BRAP: variants seen among roughly 807,000 people sequenced by gnomAD.
BRAP encodes BRCA1-associated protein.
In BRAP, 42 loss-of-function variants were observed where a neutral mutation model predicts 73.4. The ratio of observed to expected loss-of-function variants is 0.57; its 90% CI spans 0.45 to 0.74. BRAP has a LOEUF of 0.74. Among genes scored for constraint, BRAP ranks in the 30% least tolerant of loss-of-function variants. The pLI, the probability that BRAP is intolerant of heterozygous loss-of-function variation, is 0.00. For synonymous variants in BRAP, 255 were observed against 267.4 expected, an observed-to-expected ratio of 0.95 and a Z score of 0.45; for missense variants, 593 against 751.4, an observed-to-expected ratio of 0.79 and a Z score of 2.46.
rs2135936276 is a variant in BRAP at position 111,685,903 on chromosome 12, T to C, written c.-111A>G. The C allele has an allele frequency of 1.7e-6, 1 of 597,250 alleles. No individual in the cohort carries two copies. 37.0% of individuals were successfully genotyped at this position (597,250 alleles called of 1,614,324 possible). On this transcript the variant is annotated 5_prime_UTR_variant, in exon 1 of 12. Coordinates refer to ENST00000419234, the MANE Select transcript of BRAP (RefSeq NM_006768.5). ...AGCGCCGCCACCACCTCAATGCAGTTGCCGCCGCCTCAGCAGCAGCAGCTC... is the reference window on the plus strand; with the variant it reads ...AGCGCCGCCACCACCTCAATGCAGTCGCCGCCGCCTCAGCAGCAGCAGCTC...
At chr12:111,680,349 C>T (rs1047391563) in intron 3 of BRAP, among the ~76,000 whole-genome samples, 1 of 152,086 alleles carries the variant, frequency 6.6e-6, no homozygotes, top group African/African-American at 2.4e-5. Flanking sequence ...AATCCTCCCA[C>T]AATGCAATTT....
At chr12:111,672,797 G>A in intron 4 of BRAP, 23 bp from the exon 5 acceptor site, 2 of 1,585,862 alleles carry the variant, frequency 1.3e-6, no homozygotes, top group Admixed American at 3.5e-5. Flanking sequence ...ATGGGGAAAA[G>A]GAAAAAAATT....
chr12:111,685,585 T>C (rs2135935643), intron 1 of BRAP, 126 bp downstream of exon 1: 1 of 1,377,778 alleles, frequency 7.3e-7, no homozygotes, highest in Non-Finnish European at 9.4e-7. Context: ...GGATCCCGAT[T>C]ACCTCTCCGT....
At chr12:111,683,485 A>G (rs768422704) in intron 1 of BRAP, among the ~76,000 whole-genome samples, 178 bp from the exon 2 acceptor site, 2 of 152,202 alleles carry the variant, frequency 1.3e-5, no homozygotes, top group Non-Finnish European at 2.9e-5. Flanking sequence ...CAAAGAGTCA[A>G]TAAGCAGCCA....
At chr12:111,684,016 G>T (rs1019527437) in intron 1 of BRAP, among the ~76,000 whole-genome samples, 1 of 152,058 alleles carries the variant, frequency 6.6e-6, no homozygotes, top group Admixed American at 6.6e-5. Context: ...AACTTGTAGG[G>T]GTAGTCTTAA....
chr12:111,669,232 C>CT (rs145945097), intron 5 of BRAP, among the ~76,000 whole-genome samples: 210 of 143,264 alleles, frequency 1.5e-3, no homozygotes, highest in Non-Finnish European at 1.4e-3. Context: ...GCTTCTCTCT[C>CT]TTTTTTTTTT....
intron 6 of BRAP, among the ~76,000 whole-genome samples, chr12:111,663,632 G>C (rs1222971615): frequency 6.6e-6 from 1 of 152,080 alleles, no homozygotes; most frequent in Non-Finnish European, 1.5e-5. Context: ...GAGTACCCCT[G>C]GTTGGGGATG....
intron 9 of BRAP, among the ~76,000 whole-genome samples, chr12:111,658,511 G>A (rs764411673): frequency 2.0e-4 from 31 of 151,642 alleles, no homozygotes; most frequent in Non-Finnish European, 3.8e-4. Flanking sequence ...ATTTTTAGTA[G>A]AAACAGGGTT....
At chr12:111,666,304 C>T (rs901392689) in intron 5 of BRAP, among the ~76,000 whole-genome samples, 1 of 152,196 alleles carries the variant, frequency 6.6e-6, no homozygotes, top group African/African-American at 2.4e-5. Context: ...AGCTCAAGCT[C>T]TAAGTGTCTA....
intron 8 of BRAP, 73 bp downstream of exon 8, chr12:111,659,134 G>T: frequency 6.6e-7 from 1 of 1,519,930 alleles, no homozygotes; most frequent in Non-Finnish European, 9.0e-7. Flanking sequence ...AGCTGGGAGG[G>T]AAAGTGAAGG....
At chr12:111,668,868 A>G (rs138114250) in intron 5 of BRAP, among the ~76,000 whole-genome samples, 2,362 of 152,122 alleles carry the variant, frequency 0.016, 69 homozygotes, top group African/African-American at 0.054. Context: ...ATGTTAACCA[A>G]GATGGTCTCG....
At chr12:111,645,693 G>A (rs1040534857) in intron 11 of BRAP, among the ~76,000 whole-genome samples, 1 of 152,166 alleles carries the variant, frequency 6.6e-6, no homozygotes, top group African/African-American at 2.4e-5. Context: ...ACCACCATTT[G>A]AGGCCAGGTG....
intron 7 of BRAP, among the ~76,000 whole-genome samples, chr12:111,659,919 CA>C (rs1485235939): frequency 6.6e-6 from 1 of 151,554 alleles, no homozygotes; most frequent in African/African-American, 2.4e-5. Context: ...CAAAACAAAA[CA>C]AAACCTACTA....
At chr12:111,655,172 C>A (rs936097524) in intron 10 of BRAP, among the ~76,000 whole-genome samples, 62 of 152,172 alleles carry the variant, frequency 4.1e-4, no homozygotes, top group African/African-American at 1.5e-3. Flanking sequence ...TTATTTCCTT[C>A]CATTTAGAAA....
intron 11 of BRAP, among the ~76,000 whole-genome samples, chr12:111,647,722 CCT>C (rs1208983152): frequency 6.6e-5 from 10 of 151,854 alleles, no homozygotes; most frequent in Non-Finnish European, 1.2e-4. Context: ...ATGGAGAAAC[CCT>C]GTTTCTACTA....
At chr12:111,659,091 G>C (rs561508038) in intron 8 of BRAP, 116 bp downstream of exon 8, 1 of 1,306,368 alleles carries the variant, frequency 7.7e-7, no homozygotes, top group South Asian at 1.4e-5. Context: ...TGAGAATTTG[G>C]GTTTGCAACA....
chr12:111,679,876 CAAAAAAAAA>C (rs398044813), intron 3 of BRAP, among the ~76,000 whole-genome samples: 1 of 72,112 alleles, frequency 1.4e-5, no homozygotes, highest in East Asian at 3.9e-4. Flanking sequence ...GACTCCATCT[CAAAAAAAAA>C]AAAAAAAAAA....
chr12:111,674,643 C>T (rs1472638421), intron 4 of BRAP, among the ~76,000 whole-genome samples: 1 of 152,058 alleles, frequency 6.6e-6, no homozygotes, highest in Non-Finnish European at 1.5e-5. Context: ...GGCAGCAGGT[C>T]GGGGTGGAGA....
intron 4 of BRAP, among the ~76,000 whole-genome samples, chr12:111,673,571 A>T (rs1887261235): frequency 6.6e-6 from 1 of 151,646 alleles, no homozygotes; most frequent in South Asian, 2.1e-4. Flanking sequence ...ATAAAAGACC[A>T]GGGGAACTGG....
Sources: gnomAD v4.1 joint callset for allele counts (sites outside exome capture counted in the v4.1 genomes callset) on GRCh38, gnomAD v4.1.1 for gene constraint, MANE v1.5 for transcripts, NCBI Gene and HGNC (gene_info 2026-07-23, HGNC 2026-07-21) for gene names.